The following ZNF668 variants were observed in gnomAD, a reference collection of about 807,000 sequenced individuals.
ZNF668 encodes the protein zinc finger protein 668.
ZNF668 carries 10 observed loss-of-function variants against 40.3 expected under a neutral mutation model. That is an observed-to-expected ratio of 0.25 (90% CI 0.15 to 0.42). ZNF668 has a LOEUF of 0.42. ZNF668 is among the 10% of genes least tolerant of loss of function. ZNF668 has a pLI of 1.00. For missense variants in ZNF668, 749 were observed against 904.6 expected, an observed-to-expected ratio of 0.83 and a Z score of 2.21; for synonymous variants, 428 against 384.6, an observed-to-expected ratio of 1.11 and a Z score of -1.32.
In ZNF668 at chr16:31,071,338, T is replaced by C. The variant is rs181121979; in HGVS notation, c.-23+2321A>G. Among the ~76,000 whole-genome samples, 612 of 152,086 alleles carry C rather than the reference T, an allele frequency of 4.0e-3. 2 individuals are homozygous for C. Among genetic ancestry groups the C allele is most frequent in the African/African-American group, 0.014 (588 of 41,470 alleles). ...AAAGCCATCACACCTGGCAAACTTTTGTATTTTTAGTAGAGACAGGGTTTC... is the reference window on the plus strand; with the variant it reads ...AAAGCCATCACACCTGGCAAACTTTCGTATTTTTAGTAGAGACAGGGTTTC... On this transcript the variant is annotated intron_variant, in intron 1 of 2. Transcript: ENST00000300849.
Position 31,064,494 on chromosome 16 carries a change from C to G in ZNF668, c.-22-13G>C, listed in dbSNP as rs371790854. On this transcript the variant is annotated splice_polypyrimidine_tract_variant and intron_variant, in intron 1 of 2. Transcript: ENST00000300849. ...GAACGGGGTTTCTCTGCAAGAGAAG[C>G]AAAGTTAGACCAAAGCCACATACCT... 3.7e-6 allele frequency: 6 copies of G among 1,602,728 alleles called. No individual in the cohort carries two copies. The African/African-American group carries it at 8.0e-5, about 21-fold the overall frequency.
At chr16:31,062,419 C>G (rs1030976822) in intron 2 of ZNF668, 139 bp from the exon 3 acceptor site, 1 of 1,234,606 alleles carries the variant, frequency 8.1e-7, no homozygotes, top group South Asian at 1.6e-5. Flanking sequence ...CATGGCTGCA[C>G]CCCAGAGGAA....
chr16:31,066,067 G>A (rs376597527), intron 1 of ZNF668: 20 of 985,354 alleles, frequency 2.0e-5, no homozygotes, highest in African/African-American at 1.2e-4. Flanking sequence ...CCCCTGACGC[G>A]TGGCAAGGGC....
In ZNF668 at chr16:31,064,357, G is replaced by C; in HGVS notation, c.103C>G (p.Pro35Ala). Residue 35 changes from proline to alanine, a missense_variant, in exon 2 of 3, where the codon CCC (proline) becomes GCC (alanine). This residue lies in a region of ZNF668 where 159 missense variants were observed against 139.8 expected (regional missense o/e 1.14). Transcript: ENST00000300849. ...LSCTKTFPNA[P>A]RAARHAATHG... Reference sequence around the variant, plus strand: ...GTGGCAGCGTGGCGCGCTGCCCTGGGCGCGTTTGGAAATGTCTTGGTACAG... The same window carrying C: ...GTGGCAGCGTGGCGCGCTGCCCTGGCCGCGTTTGGAAATGTCTTGGTACAG... 6.2e-7 allele frequency: 1 copy of C among 1,613,988 alleles called. No individual in the cohort carries two copies. The highest frequency in any genetic ancestry group is 1.1e-5 in the South Asian group (1 of 91,090).
At chr16:31,067,998 T>C (rs1350104607) in intron 1 of ZNF668, among the ~76,000 whole-genome samples, 4 of 151,868 alleles carry the variant, frequency 2.6e-5, no homozygotes, top group African/African-American at 9.7e-5. Flanking sequence ...CTCAGAGGGC[T>C]TGACCCAGTG....
At chr16:31,069,268 T>TACATACACAC (rs1555498643) in intron 1 of ZNF668, 3 of 141,690 alleles carry the variant, frequency 2.1e-5, no homozygotes, top group African/African-American at 8.1e-5. Context: ...CTACTAAAAA[T>TACATACACAC]ACACACACAC....
chr16:31,061,346 T>C lies in ZNF668; in HGVS notation c.1582A>G (p.Met528Val), dbSNP rs753738967. ...CGCTCGTGCCGACGCAGCAGCGTCATTGTGGAGAAGGTCTCCTTGCACTCT... is the reference window on the plus strand; with the variant it reads ...CGCTCGTGCCGACGCAGCAGCGTCACTGTGGAGAAGGTCTCCTTGCACTCT... ...CRECKETFST[M>V]TLLRRHERSH... is the part of the protein sequence containing the mutation. The change falls in exon 3 of 3, where the codon ATG (methionine) becomes GTG (valine). Residue 528 changes from methionine (M) to valine (V), a missense_variant. Met to Val is a conservative substitution (Grantham distance 21). Transcript: ENST00000300849. This position sits in a 1 kb window ranked among gnomAD's most constrained non-coding sequence, Gnocchi z 7.7. 1.4e-5 allele frequency: 22 copies of C among 1,609,294 alleles called. No individual in the cohort carries two copies. In the South Asian group the frequency reaches 1.4e-4, roughly 11 times the overall value.
Position 31,062,022 on chromosome 16 carries a change from A to G in ZNF668, c.906T>C (p.His302=), listed in dbSNP as rs750629033. 6.2e-7 allele frequency: 1 copy of G among 1,613,490 alleles called. No individual in the cohort carries two copies. The highest frequency in any genetic ancestry group is 2.2e-5 in the East Asian group (1 of 44,840). ...CGCAGTGGTATGGCTTCACCCCTTC[A>G]TGGGCGCGCTGGTGGCGACGGAAGC... ...PSSFRRHQRA[H]EGVKPYHCEK... The change falls in exon 3 of 3, where the codon CAT becomes CAC. Residue 302 remains histidine, a synonymous_variant. Transcript: ENST00000300849.
chr16:31,064,154 G>T lies in ZNF668; in HGVS notation c.306C>A (p.His102Gln). The T allele has an allele frequency of 6.2e-7, 1 of 1,608,836 alleles. No homozygotes were observed. Among genetic ancestry groups the T allele is most frequent in the Non-Finnish European group, 8.5e-7 (1 of 1,179,096 alleles). The change falls in exon 2 of 3, where the codon CAC becomes CAA. Residue 102 changes from histidine to glutamine, a missense_variant. Transcript: ENST00000300849. ...AYKTAPELRS[H>Q]GRSHTGEKPF... is the part of the protein sequence containing the mutation. Reference sequence around the variant, plus strand: ...GCTTCTCCCCCGTGTGGCTGCGCCCGTGGCTGCGCAGCTCGGGTGCCGTCT... The same window carrying T: ...GCTTCTCCCCCGTGTGGCTGCGCCCTTGGCTGCGCAGCTCGGGTGCCGTCT...
intron 2 of ZNF668, 114 bp from the exon 3 acceptor site, chr16:31,062,394 A>C: frequency 7.1e-7 from 1 of 1,410,646 alleles, no homozygotes; most frequent in South Asian, 1.5e-5. Context: ...CCTAGGCTTA[A>C]TCCCCTAAGA....
At chr16:31,069,205 A>T (rs2056998480) in intron 1 of ZNF668, 1 of 151,928 alleles carries the variant, frequency 6.6e-6, no homozygotes, top group Non-Finnish European at 1.5e-5. Context: ...TGGGCAGATC[A>T]CTTGAGGCCA....
chr16:31,061,767 C>T lies in ZNF668; in HGVS notation c.1161G>A (p.Ser387=), dbSNP rs2143755424. 2 of 1,612,932 alleles carry T rather than the reference C, an allele frequency of 1.2e-6. No individual in the cohort carries two copies. Among genetic ancestry groups the T allele is most frequent in the Middle Eastern group, 1.7e-4 (1 of 6,060 alleles). The stretch of plus-strand genomic sequence containing the variant: ...CGTTACAGTGGAAGGGGCGCTCCCC[C>T]GAGTGCACCCGGCTATGCTTCGTGA... ...ASLTKHSRVH[S]GERPFHCNAC... Residue 387 remains serine, a synonymous_variant, in exon 3 of 3, where the codon TCG becomes TCA. Coordinates refer to ENST00000300849, the MANE Select transcript of ZNF668 (RefSeq NM_024706.5). This position sits in a 1 kb window ranked among gnomAD's most constrained non-coding sequence, Gnocchi z 7.7.
Position 31,061,058 on chromosome 16 carries a change from G to T in ZNF668, c.*10C>A. The T allele has an allele frequency of 6.7e-7, 1 of 1,487,962 alleles. No homozygotes were observed. Among genetic ancestry groups the T allele is most frequent in the Non-Finnish European group, 8.9e-7 (1 of 1,121,550 alleles). The allele number at this position is 1,487,962 out of a possible 1,614,324, so 92.2% of individuals were successfully genotyped here. On this transcript the variant is annotated 3_prime_UTR_variant, in exon 3 of 3. Coordinates refer to ENST00000300849, the MANE Select transcript of ZNF668 (RefSeq NM_024706.5). This position sits in a 1 kb window ranked among gnomAD's most constrained non-coding sequence, Gnocchi z 7.7. ...GGCTCCCGGAGTGTGGTGCTGGGGGGTCATGGGCTTCAGGCCGGCCCCTCT... is the reference window on the plus strand; with the variant it reads ...GGCTCCCGGAGTGTGGTGCTGGGGGTTCATGGGCTTCAGGCCGGCCCCTCT...
intron 1 of ZNF668, chr16:31,073,358 G>C (rs898877458): frequency 6.6e-6 from 1 of 151,076 alleles, no homozygotes; most frequent in African/African-American, 2.4e-5. Flanking sequence ...CACGCGACCG[G>C]GACAAAAACC....
In ZNF668 at chr16:31,073,997, CAAAA is replaced by C. The variant is rs2057042417; in HGVS notation, c.-365_-362del. On this transcript the variant is annotated 5_prime_UTR_variant, in exon 1 of 3. An upstream open reading frame in the 5' UTR loses its in-frame stop. Transcript: ENST00000300849. Reference sequence around the variant, plus strand: ...CTTCAAGAACCAGAAGGTGGGAGGACAAAAAGGCCATGCTCAAGCTCTGCAAAAC... The same window carrying C: ...CTTCAAGAACCAGAAGGTGGGAGGACAGGCCATGCTCAAGCTCTGCAAAAC... 6.6e-6 allele frequency: 1 copy of C among 152,192 alleles called. No homozygotes were observed. The highest frequency in any genetic ancestry group is 1.5e-5 in the Non-Finnish European group (1 of 68,050). The allele number at this position is 152,192 out of a possible 1,614,324, so 9.4% of individuals were successfully genotyped here. A position where few individuals can be genotyped will look rare whatever the true frequency, so the allele number is the denominator to read the frequency against.
chr16:31,062,055 G>A lies in ZNF668; in HGVS notation c.873C>T (p.Asp291=), dbSNP rs1306159932. The change falls in exon 3 of 3, where the codon GAC becomes GAT. Residue 291 remains aspartate (D), a synonymous_variant. Coordinates refer to ENST00000300849, the MANE Select transcript of ZNF668 (RefSeq NM_024706.5). ...GCTGGTGGCGACGGAAGCTCGAGGGGTCGGAGAACATGCGGCCGCAGCGCG... is the reference window on the plus strand; with the variant it reads ...GCTGGTGGCGACGGAAGCTCGAGGGATCGGAGAACATGCGGCCGCAGCGCG... ...LCPRCGRMFS[D]PSSFRRHQRA... 2 of 1,613,374 alleles carry A rather than the reference G, an allele frequency of 1.2e-6. No individual in the cohort carries two copies. The highest frequency in any genetic ancestry group is 1.7e-6 in the Non-Finnish European group (2 of 1,179,754).
rs1596749410 is a variant in ZNF668, at chr16:31,061,078, C to T, written c.1850G>A (p.Gly617Glu). The change falls in exon 3 of 3, where the codon GGG (glycine) becomes GAG (glutamate). Residue 617 changes from glycine to glutamate, a missense_variant. Physicochemically the swap from Gly to Glu is moderately conservative, Grantham distance 98. Around this residue, in one of 4 missense-constraint regions of ZNF668, gnomAD observed 310 missense variants for 355.1 expected, o/e 0.87. Coordinates refer to ENST00000300849, the MANE Select transcript of ZNF668 (RefSeq NM_024706.5). This position sits in a 1 kb window ranked among gnomAD's most constrained non-coding sequence, Gnocchi z 7.7. ...LVALLGMPEE[G>E]PA The stretch of plus-strand genomic sequence containing the variant: ...GGGGGGTCATGGGCTTCAGGCCGGC[C>T]CCTCTTCAGGCATTCCTAGCAAAGC... 1 of 1,496,284 alleles carries T rather than the reference C, an allele frequency of 6.7e-7. No individual in the cohort carries two copies. Among genetic ancestry groups the T allele is most frequent in the Non-Finnish European group, 8.9e-7 (1 of 1,125,470 alleles). The allele number at this position is 1,496,284 out of a possible 1,614,324, so 92.7% of individuals were successfully genotyped here.
intron 1 of ZNF668, chr16:31,069,344 T>A (rs959748987): frequency 6.6e-6 from 1 of 152,026 alleles, no homozygotes; most frequent in East Asian, 1.9e-4. Context: ...CCTGGCCCAC[T>A]GGGCTCTACC....
intron 1 of ZNF668, chr16:31,072,592 C>A (rs536105438): frequency 6.6e-6 from 1 of 152,408 alleles, no homozygotes; most frequent in Non-Finnish European, 1.5e-5. Flanking sequence ...AAAGGAGGCA[C>A]CTCAATCTTC....
Sources: gnomAD v4.1 joint callset for allele counts (sites outside exome capture counted in the v4.1 genomes callset) on GRCh38, gnomAD v4.1.1 for gene constraint, gnomAD v4.1.1 regional missense constraint, Gnocchi (gnomAD v3.1) non-coding constraint, MANE v1.5 for transcripts, NCBI Gene and HGNC (gene_info 2026-07-23, HGNC 2026-07-21) for gene names.